The following ADGRL3 variants were observed in gnomAD, a reference collection of about 807,000 sequenced individuals.
ADGRL3 encodes the protein adhesion G protein-coupled receptor L3, also known as calcium-independent alpha-latrotoxin receptor 3.
Under a neutral mutation model 153.5 loss-of-function variants are expected in ADGRL3, and 62 were observed. The observed-to-expected ratio is 0.40, with a 90% confidence interval of 0.33 to 0.50. The LOEUF (loss-of-function observed/expected upper bound fraction) is 0.50, where lower values mean the gene tolerates loss of function less well. Ranked by LOEUF, ADGRL3 falls within the 20% of genes least tolerant of loss-of-function variation. The pLI is 0.47. For synonymous variants in ADGRL3, 710 were observed against 672.5 expected, an observed-to-expected ratio of 1.06 and a Z score of -0.86; for missense variants, 1,641 against 1,859.4, an observed-to-expected ratio of 0.88 and a Z score of 2.16.
intron 6 of ADGRL3, among the ~76,000 whole-genome samples, chr4:61,709,687 A>G (rs187465577): frequency 1.3e-5 from 2 of 152,318 alleles, no homozygotes; most frequent in Non-Finnish European, 2.9e-5. Context: ...CTTGCCAATA[A>G]CTGTGCCCCT....
At chr4:61,799,886 A>G (rs1265837147) in intron 8 of ADGRL3, among the ~76,000 whole-genome samples, 1 of 152,064 alleles carries the variant, frequency 6.6e-6, no homozygotes, top group Non-Finnish European at 1.5e-5. Context: ...AAAAAAAAAT[A>G]TCCTCACCAC....
intron 5 of ADGRL3, among the ~76,000 whole-genome samples, chr4:61,674,325 C>G (rs927184597): frequency 6.6e-6 from 1 of 151,606 alleles, no homozygotes; most frequent in Admixed American, 6.6e-5. Context: ...CTATTATGCT[C>G]TGGTCAGAAA....
intron 5 of ADGRL3, among the ~76,000 whole-genome samples, chr4:61,641,617 C>T (rs994726233): frequency 6.6e-6 from 1 of 152,000 alleles, no homozygotes; most frequent in Non-Finnish European, 1.5e-5. Flanking sequence ...GACATGAACT[C>T]ATCAATTTTT....
chr4:61,386,037 G>T (rs192358096), intron 2 of ADGRL3, among the ~76,000 whole-genome samples: 78 of 152,248 alleles, frequency 5.1e-4, no homozygotes, highest in Non-Finnish European at 8.8e-4. Context: ...GATTTTGATG[G>T]TGGTGGTTGT....
intron 8 of ADGRL3, among the ~76,000 whole-genome samples, chr4:61,798,440 G>A (rs1489915316): frequency 6.6e-6 from 1 of 152,012 alleles, no homozygotes; most frequent in Non-Finnish European, 1.5e-5. Context: ...GGAAATCTTT[G>A]TTGTAGGACT....
intron 5 of ADGRL3, among the ~76,000 whole-genome samples, chr4:61,591,866 C>T (rs1049006203): frequency 1.3e-5 from 2 of 151,674 alleles, no homozygotes; most frequent in African/African-American, 4.8e-5. Context: ...TGCTTGATTC[C>T]AGGAGTTCAA....
At chr4:61,343,560 T>TAGGC (rs2095846901) in intron 1 of ADGRL3, among the ~76,000 whole-genome samples, 4 of 152,334 alleles carry the variant, frequency 2.6e-5, no homozygotes, top group Admixed American at 2.0e-4. Flanking sequence ...AAGTCACTTC[T>TAGGC]TTAATCTAGG....
intron 5 of ADGRL3, among the ~76,000 whole-genome samples, chr4:61,666,871 A>G (rs1358751216): frequency 6.6e-6 from 1 of 152,212 alleles, no homozygotes; most frequent in African/African-American, 2.4e-5. Context: ...AAATGAATAT[A>G]GATGTCATTC....
chr4:61,855,859 G>C (rs967680238), intron 9 of ADGRL3, among the ~76,000 whole-genome samples: 1 of 152,008 alleles, frequency 6.6e-6, no homozygotes, highest in Non-Finnish European at 1.5e-5. Flanking sequence ...GGATGTTACA[G>C]TAGAAGGCAA....
intron 17 of ADGRL3, among the ~76,000 whole-genome samples, chr4:61,960,178 C>T (rs1414147358): frequency 6.6e-6 from 1 of 152,052 alleles, no homozygotes; most frequent in Non-Finnish European, 1.5e-5. Context: ...AATATATTTC[C>T]TTCATGCACT....
intron 12 of ADGRL3, among the ~76,000 whole-genome samples, chr4:61,912,394 A>G (rs2098725763): frequency 6.6e-6 from 1 of 152,166 alleles, no homozygotes. Flanking sequence ...AACTAACCTA[A>G]TGTGAAATGA....
At chr4:61,963,154 A>T (rs1399589926) in intron 17 of ADGRL3, among the ~76,000 whole-genome samples, 5 of 150,028 alleles carry the variant, frequency 3.3e-5, no homozygotes, top group African/African-American at 9.7e-5. Context: ...TGCAATATAT[A>T]TTTTTTCAAT....
chr4:61,250,269 C>T (rs1181175526), intron 1 of ADGRL3, among the ~76,000 whole-genome samples: 1 of 152,170 alleles, frequency 6.6e-6, no homozygotes, highest in African/African-American at 2.4e-5. Context: ...CTCTTTAGAA[C>T]AGAGCATTCA....
At chr4:61,497,515 CTTTTTTTTTT>C (rs5858707) in intron 3 of ADGRL3, among the ~76,000 whole-genome samples, 167 bp downstream of exon 3, 1 of 95,340 alleles carries the variant, frequency 1.0e-5, no homozygotes, top group East Asian at 3.0e-4. Flanking sequence ...CTTTTCTTTT[CTTTTTTTTTT>C]TTTTTTTTCA....
chr4:61,723,133 C>T (rs1304976997), intron 6 of ADGRL3, among the ~76,000 whole-genome samples: 1 of 152,154 alleles, frequency 6.6e-6, no homozygotes, highest in African/African-American at 2.4e-5. Flanking sequence ...CTGTCATTCA[C>T]TTCTATTCTT....
intron 9 of ADGRL3, among the ~76,000 whole-genome samples, chr4:61,856,957 T>TTTCC (rs2098276842): frequency 1.6e-5 from 1 of 63,062 alleles, no homozygotes; most frequent in Non-Finnish European, 3.4e-5. Context: ...CTTCTCTTTC[T>TTTCC]TTCTTTCTTT....
chr4:61,751,416 GGGA>G (rs1208997755), intron 8 of ADGRL3, among the ~76,000 whole-genome samples: 3 of 152,108 alleles, frequency 2.0e-5, no homozygotes, highest in Non-Finnish European at 4.4e-5. Context: ...GTACAGAGAA[GGGA>G]ACTAAGGCTC....
chr4:61,863,383 G>A (rs111317951), intron 9 of ADGRL3, among the ~76,000 whole-genome samples: 2,663 of 149,984 alleles, frequency 0.018, 85 homozygotes, highest in African/African-American at 0.06. Flanking sequence ...GACTACAGGC[G>A]CCCGCCACTA....
chr4:62,016,460 AC>A (rs982597015), intron 21 of ADGRL3, among the ~76,000 whole-genome samples: 1 of 152,200 alleles, frequency 6.6e-6, no homozygotes, highest in African/African-American at 2.4e-5. Context: ...AGTTTCCAAC[AC>A]CATTTGCTAA....
Sources: gnomAD v4.1 joint callset for allele counts (sites outside exome capture counted in the v4.1 genomes callset) on GRCh38, gnomAD v4.1.1 for gene constraint, MANE v1.5 for transcripts, NCBI Gene and HGNC (gene_info 2026-07-23, HGNC 2026-07-21) for gene names.